The following SAV1 variants were observed in gnomAD, a reference collection of about 807,000 sequenced individuals.
The protein encoded by SAV1 is protein salvador homolog 1.
SAV1 carries 23 observed loss-of-function variants against 47.3 expected under a neutral mutation model. The ratio of observed to expected loss-of-function variants is 0.49; its 90% CI spans 0.35 to 0.69. SAV1 has a LOEUF of 0.69. Ranked by LOEUF, SAV1 falls within the 30% of genes least tolerant of loss-of-function variation. The pLI is 0.01. For synonymous variants in SAV1, 155 were observed against 159.2 expected, an observed-to-expected ratio of 0.97 and a Z score of 0.20; for missense variants, 448 against 457.4, an observed-to-expected ratio of 0.98 and a Z score of 0.19.
At chr14:50,650,614 T>C (rs923553629) in intron 2 of SAV1, among the ~76,000 whole-genome samples, 1 of 152,320 alleles carries the variant, frequency 6.6e-6, no homozygotes, top group South Asian at 2.1e-4. Flanking sequence ...TGCTCTCTCA[T>C]CACTCACCCT....
At chr14:50,665,673 T>G (rs2039896334) in intron 1 of SAV1, 54 bp from the exon 2 acceptor site, 1 of 1,465,544 alleles carries the variant, frequency 6.8e-7, no homozygotes, top group Admixed American at 2.5e-5. Flanking sequence ...AACAAAAGTT[T>G]TCGAAATTTG....
chr14:50,638,506 G>T (rs752927290), intron 4 of SAV1, among the ~76,000 whole-genome samples: 2 of 152,098 alleles, frequency 1.3e-5, no homozygotes, highest in African/African-American at 2.4e-5. Context: ...GATCAACAGT[G>T]CTGCTATCCT....
At chr14:50,645,143 C>A in intron 2 of SAV1, 129 bp from the exon 3 acceptor site, 1 of 767,608 alleles carries the variant, frequency 1.3e-6, no homozygotes, top group Non-Finnish European at 2.0e-6. Flanking sequence ...TGATTATGCC[C>A]ATTATGATGG....
At chr14:50,635,594 G>T (rs546496344) in intron 4 of SAV1, among the ~76,000 whole-genome samples, 1 of 152,300 alleles carries the variant, frequency 6.6e-6, no homozygotes, top group South Asian at 2.1e-4. Context: ...TGGGAGGACT[G>T]CTTGTGCCCA....
intron 2 of SAV1, among the ~76,000 whole-genome samples, chr14:50,654,681 A>G (rs1243413468): frequency 6.6e-6 from 1 of 152,244 alleles, no homozygotes; most frequent in Non-Finnish European, 1.5e-5. Context: ...GAAACACAAT[A>G]GAGCAAAGCA....
chr14:50,660,575 T>C (rs1332181190), intron 2 of SAV1, among the ~76,000 whole-genome samples: 1 of 152,216 alleles, frequency 6.6e-6, no homozygotes, highest in African/African-American at 2.4e-5. Flanking sequence ...AGTCAGGGTA[T>C]TTAGGGTATC....
intron 2 of SAV1, among the ~76,000 whole-genome samples, chr14:50,647,842 G>A (rs1301248843): frequency 6.6e-6 from 1 of 152,226 alleles, no homozygotes; most frequent in Non-Finnish European, 1.5e-5. Context: ...CACTGCTGGT[G>A]TGGATGCAAA....
intron 2 of SAV1, among the ~76,000 whole-genome samples, chr14:50,655,811 C>G (rs1275769150): frequency 6.6e-6 from 1 of 151,824 alleles, no homozygotes. Context: ...ACTGGGGGGC[C>G]GAGGTGGGTG....
At chr14:50,657,153 G>C (rs1416757978) in intron 2 of SAV1, among the ~76,000 whole-genome samples, 1 of 151,392 alleles carries the variant, frequency 6.6e-6, no homozygotes, top group East Asian at 1.9e-4. Context: ...TCCTGCCTCA[G>C]ACTCCTGAGT....
rs1196144342 is a variant in SAV1 at position 50,635,117 on chromosome 14, T to C, written c.*66A>G. On this transcript the variant is annotated 3_prime_UTR_variant, in exon 5 of 5. Coordinates refer to ENST00000324679, the MANE Select transcript of SAV1 (RefSeq NM_021818.4). ...AGCATTTATTAACCAGAGTACTTGT[T>C]TGCAATTTTTTATCTGTGAAAATAT... is the stretch of plus-strand genomic sequence containing the variant. 9 of 1,194,834 alleles carry C rather than the reference T, an allele frequency of 7.5e-6. No homozygotes were observed. Among genetic ancestry groups the C allele is most frequent in the South Asian group, 1.3e-5 (1 of 78,060 alleles). 74.0% of individuals were successfully genotyped at this position (1,194,834 alleles called of 1,614,324 possible). A position where few individuals can be genotyped will look rare whatever the true frequency, so the allele number is the denominator to read the frequency against.
At position 50,634,181 on chromosome 14, in the gene SAV1, A is replaced by G. The variant is rs1268179115; in HGVS notation, c.*1002T>C. 2.2e-6 allele frequency: 1 copy of G among 455,194 alleles called. No individual in the cohort carries two copies. Among genetic ancestry groups the G allele is most frequent in the Non-Finnish European group, 4.4e-6 (1 of 226,362 alleles). 28.2% of individuals were successfully genotyped at this position (455,194 alleles called of 1,614,324 possible). ...AATGCAGTAACAGCACTGGCTGAAA[A>G]TAAGGAAGATGATGTTAGCAACTTT... On this transcript the variant is annotated 3_prime_UTR_variant, in exon 5 of 5. Coordinates refer to ENST00000324679, the MANE Select transcript of SAV1 (RefSeq NM_021818.4).
chr14:50,643,474 T>A (rs1394501509), intron 3 of SAV1, among the ~76,000 whole-genome samples: 1 of 152,152 alleles, frequency 6.6e-6, no homozygotes, highest in Non-Finnish European at 1.5e-5. Flanking sequence ...GAGAACTCAC[T>A]ACCAGAACAA....
rs754030955 is a variant in SAV1, at chr14:50,665,586, G to A, written c.128C>T (p.Thr43Ile). The A allele has an allele frequency of 6.2e-7, 1 of 1,612,692 alleles. No homozygotes were observed. The highest frequency in any genetic ancestry group is 8.5e-7 in the Non-Finnish European group (1 of 1,179,322). ...ACAGATATCAGTTCGTCTTGGAATT[G>A]TTGGACCATGCCGGATGAATGAAGG... Reference protein sequence around the residue: ...LMPSFIRHGPTIPRRTDICLP... With the variant: ...LMPSFIRHGPIIPRRTDICLP... The change falls in exon 2 of 5, where the codon ACA (threonine) becomes ATA (isoleucine). Residue 43 changes from threonine (T) to isoleucine (I), a missense_variant. Thr to Ile is a moderately conservative substitution (Grantham distance 89). Transcript: ENST00000324679.
intron 2 of SAV1, among the ~76,000 whole-genome samples, chr14:50,647,333 T>C (rs3015496): frequency 0.48 from 72,678 of 151,828 alleles, 18,366 homozygotes; most frequent in East Asian, 0.73. Context: ...TGTTTGCAAA[T>C]CACATTATTA....
chr14:50,640,625 T>C, intron 4 of SAV1, 125 bp downstream of exon 4: 1 of 675,964 alleles, frequency 1.5e-6, no homozygotes, highest in Non-Finnish European at 2.3e-6. Flanking sequence ...TCAAGTCACG[T>C]ATTACTTAGA....
intron 2 of SAV1, among the ~76,000 whole-genome samples, chr14:50,660,553 AT>A (rs1395234277): frequency 9.2e-5 from 14 of 152,248 alleles, no homozygotes; most frequent in African/African-American, 1.7e-4. Context: ...TGCAAAGAGT[AT>A]GAAATAATCA....
At chr14:50,656,517 A>G (rs1416798820) in intron 2 of SAV1, among the ~76,000 whole-genome samples, 2 of 144,062 alleles carry the variant, frequency 1.4e-5, no homozygotes, top group East Asian at 4.0e-4. Flanking sequence ...ATCTCCGCTC[A>G]CTGCAAGCTC....
intron 2 of SAV1, among the ~76,000 whole-genome samples, chr14:50,660,850 G>A (rs1465180833): frequency 6.6e-6 from 1 of 152,134 alleles, no homozygotes; most frequent in Non-Finnish European, 1.5e-5. Context: ...TTCTCTTTCT[G>A]TGCCTGATTT....
At chr14:50,648,449 G>A (rs988774752) in intron 2 of SAV1, among the ~76,000 whole-genome samples, 1 of 152,172 alleles carries the variant, frequency 6.6e-6, no homozygotes, top group Non-Finnish European at 1.5e-5. Flanking sequence ...CTTTTTAAAA[G>A]AATAATCTGG....
Sources: allele counts gnomAD v4.1 joint callset (sites outside exome capture counted in the v4.1 genomes callset), GRCh38; gene constraint gnomAD v4.1.1; transcripts MANE v1.5; gene names NCBI Gene and HGNC (gene_info 2026-07-23, HGNC 2026-07-21).